Variants in EPHA6 observed in about 807,000 individuals in gnomAD.
The protein encoded by EPHA6 is EPH receptor A6.
A neutral mutation model predicts 112.0 loss-of-function variants in EPHA6; 50 were observed. The observed-to-expected ratio is 0.45, with a 90% CI of 0.36 to 0.56. The LOEUF (loss-of-function observed/expected upper bound fraction) is 0.56, where lower values mean the gene tolerates loss of function less well. Among genes scored for constraint, EPHA6 ranks in the 20% least tolerant of loss-of-function variants. The pLI is 0.00. For missense variants in EPHA6, 1,280 were observed against 1,417.4 expected (o/e 0.90, Z 1.56); for synonymous variants, 529 against 490.7 (o/e 1.08, Z -1.03).
chr3:97,643,923 C>A (rs367854166), intron 14 of EPHA6, among the ~76,000 whole-genome samples: 1 of 150,806 alleles, frequency 6.6e-6, no homozygotes, highest in South Asian at 2.1e-4. Context: ...GAACTCAGCT[C>A]TGCACCAAGC....
intron 10 of EPHA6, among the ~76,000 whole-genome samples, chr3:97,493,040 G>T (rs1345941976): frequency 2.0e-5 from 3 of 150,090 alleles, no homozygotes; most frequent in African/African-American, 7.4e-5. Context: ...ATAATGGCTA[G>T]TGACTTTTTA....
chr3:97,477,434 GAGGAA>G (rs1277525456), intron 8 of EPHA6, among the ~76,000 whole-genome samples: 1 of 128,210 alleles, frequency 7.8e-6, no homozygotes, highest in Middle Eastern at 3.5e-3. Context: ...GAGAAAGAGA[GAGGAA>G]GGGAAGGGAA....
intron 3 of EPHA6, among the ~76,000 whole-genome samples, chr3:97,056,647 C>T (rs2045862535): frequency 6.6e-6 from 1 of 152,170 alleles, no homozygotes; most frequent in Admixed American, 6.6e-5. Context: ...TGGACCCAGA[C>T]TTCACAGAGC....
chr3:96,916,903 T>C (rs2039508240), intron 2 of EPHA6, among the ~76,000 whole-genome samples: 1 of 152,224 alleles, frequency 6.6e-6, no homozygotes, highest in African/African-American at 2.4e-5. Context: ...AAGTGTTTTA[T>C]TCATTGACTT....
intron 14 of EPHA6, among the ~76,000 whole-genome samples, chr3:97,688,916 T>C (rs984939586): frequency 6.6e-6 from 1 of 152,152 alleles, no homozygotes; most frequent in Admixed American, 6.5e-5. Context: ...TTAAATATCT[T>C]TGTATTTTTA....
intron 11 of EPHA6, among the ~76,000 whole-genome samples, chr3:97,540,729 A>G (rs2092837272): frequency 6.6e-6 from 1 of 152,212 alleles, no homozygotes; most frequent in African/African-American, 2.4e-5. Context: ...GAGCCAAAAA[A>G]AGAAGAGAAT....
At chr3:97,233,623 G>A (rs1196517959) in intron 4 of EPHA6, among the ~76,000 whole-genome samples, 1 of 152,030 alleles carries the variant, frequency 6.6e-6, no homozygotes, top group African/African-American at 2.4e-5. Context: ...TTCTTATGGT[G>A]TATTATCTAA....
intron 13 of EPHA6, among the ~76,000 whole-genome samples, chr3:97,634,722 C>T (rs997825384): frequency 2.6e-5 from 4 of 152,044 alleles, no homozygotes; most frequent in Non-Finnish European, 1.5e-5. Context: ...TCTTTCTTTC[C>T]TCAGTTTGAG....
chr3:97,112,891 A>G (rs1293059174), intron 3 of EPHA6, among the ~76,000 whole-genome samples: 1 of 152,144 alleles, frequency 6.6e-6, no homozygotes, highest in African/African-American at 2.4e-5. Context: ...AATTTCCTTG[A>G]TAACTCAGGT....
At chr3:96,959,083 C>G (rs1363498549) in intron 2 of EPHA6, among the ~76,000 whole-genome samples, 1 of 152,054 alleles carries the variant, frequency 6.6e-6, no homozygotes, top group East Asian at 1.9e-4. Context: ...AAAAAATTTC[C>G]TCTGTTTTCT....
intron 3 of EPHA6, among the ~76,000 whole-genome samples, chr3:97,025,609 A>T (rs1169423820): frequency 1.3e-5 from 2 of 152,002 alleles, no homozygotes. Flanking sequence ...TTTATTTTTT[A>T]AAAACAGTCT....
intron 11 of EPHA6, among the ~76,000 whole-genome samples, chr3:97,539,703 A>G (rs1245029448): frequency 6.6e-6 from 1 of 152,230 alleles, no homozygotes; most frequent in Admixed American, 6.5e-5. Flanking sequence ...AAATGGGTAC[A>G]AAAGTAAATA....
At chr3:96,978,482 A>G (rs2042620782) in intron 2 of EPHA6, among the ~76,000 whole-genome samples, 1 of 152,188 alleles carries the variant, frequency 6.6e-6, no homozygotes, top group African/African-American at 2.4e-5. Flanking sequence ...CAAATTCCAT[A>G]GGCTTTTAGA....
chr3:97,233,880 G>A (rs1026501827), intron 4 of EPHA6, among the ~76,000 whole-genome samples: 8 of 152,090 alleles, frequency 5.3e-5, no homozygotes, highest in Non-Finnish European at 8.8e-5. Context: ...CCAGTAAATG[G>A]CCTAGTAGGT....
chr3:97,683,854 T>C (rs1177014525), intron 14 of EPHA6, among the ~76,000 whole-genome samples: 1 of 152,152 alleles, frequency 6.6e-6, no homozygotes, highest in Non-Finnish European at 1.5e-5. Context: ...AAGGAATTGT[T>C]CATTAAGCTG....
chr3:97,048,046 A>G (rs2045570495), intron 3 of EPHA6, among the ~76,000 whole-genome samples: 1 of 152,224 alleles, frequency 6.6e-6, no homozygotes. Context: ...TAAACATATA[A>G]AACAATTTTA....
chr3:97,555,477 T>C (rs2093092963), intron 11 of EPHA6, among the ~76,000 whole-genome samples: 1 of 152,168 alleles, frequency 6.6e-6, no homozygotes, highest in Non-Finnish European at 1.5e-5. Context: ...ATGGTATTTC[T>C]AGTTCTAGAT....
intron 5 of EPHA6, among the ~76,000 whole-genome samples, chr3:97,346,619 C>T (rs1049578585): frequency 3.9e-5 from 6 of 151,960 alleles, no homozygotes; most frequent in African/African-American, 1.4e-4. Flanking sequence ...ACAGGACATA[C>T]TCTTCTGTTT....
chr3:97,664,490 G>T (rs2094192192), intron 14 of EPHA6, among the ~76,000 whole-genome samples: 1 of 152,108 alleles, frequency 6.6e-6, no homozygotes, highest in South Asian at 2.1e-4. Context: ...GCAGGAGAAA[G>T]AAATAAAGGG....
Sources: allele counts gnomAD v4.1 joint callset (sites outside exome capture counted in the v4.1 genomes callset), GRCh38; gene constraint gnomAD v4.1.1; transcripts MANE v1.5; gene names NCBI Gene and HGNC (gene_info 2026-07-23, HGNC 2026-07-21).